The following ZNF326 variants were observed in gnomAD, a reference collection of about 807,000 sequenced individuals.
ZNF326 encodes DBIRD complex subunit ZNF326.
In ZNF326, 30 loss-of-function variants were observed where a neutral mutation model predicts 63.1. The observed-to-expected ratio is 0.48, with a 90% confidence interval of 0.36 to 0.64. ZNF326 has a LOEUF of 0.64. Among genes scored for constraint, ZNF326 ranks in the 30% least tolerant of loss-of-function variants. The pLI, the probability that ZNF326 is intolerant of heterozygous loss-of-function variation, is 0.00. For missense variants in ZNF326, 609 were observed against 720.3 expected (o/e 0.85, Z 1.77); for synonymous variants, 194 against 228.2 (o/e 0.85, Z 1.35).
intron 11 of ZNF326, among the ~76,000 whole-genome samples, chr1:90,026,438 C>G (rs1650020570): frequency 6.6e-6 from 1 of 152,160 alleles, no homozygotes; most frequent in Admixed American, 6.5e-5. Flanking sequence ...ATTCTGAACT[C>G]TCCTCTCTTT....
In ZNF326 at chr1:89,998,855, A is replaced by G. The variant is rs116160026; in HGVS notation, c.61+701A>G. 5.9e-3 allele frequency among the ~76,000 whole-genome samples: 904 copies of G among 152,348 alleles called. 9 individuals are homozygous for G. Among genetic ancestry groups the G allele is most frequent in the African/African-American group, 0.02 (846 of 41,578 alleles). On this transcript the variant is annotated intron_variant, in intron 2 of 11. Coordinates refer to ENST00000340281, the MANE Select transcript of ZNF326 (RefSeq NM_182976.4). ...AATATCATGATTGCCAGAGAAATGT[A>G]AAATCCAACTTTCGTACAGAATAGA...
Position 89,995,147 on chromosome 1 carries a change from C to T in ZNF326, c.-111C>T, listed in dbSNP as rs1043332493. 2.2e-6 allele frequency: 3 copies of T among 1,349,232 alleles called. No individual in the cohort carries two copies. Among genetic ancestry groups the T allele is most frequent in the South Asian group, 1.3e-5 (1 of 76,970 alleles). 83.6% of individuals were successfully genotyped at this position (1,349,232 alleles called of 1,614,324 possible). A position where few individuals can be genotyped will look rare whatever the true frequency, so the allele number is the denominator to read the frequency against. On this transcript the variant is annotated 5_prime_UTR_variant, in exon 1 of 12. Transcript: ENST00000340281. Reference sequence around the variant, plus strand: ...GCCTGCGGCTCCCGGGCTGGTAGCGCGCCGCTCTCGGTCGCGCGGAGTGAT... The same window carrying T: ...GCCTGCGGCTCCCGGGCTGGTAGCGTGCCGCTCTCGGTCGCGCGGAGTGAT...
At chr1:90,016,805 G>A (rs1649524533) in intron 7 of ZNF326, among the ~76,000 whole-genome samples, 2 of 152,246 alleles carry the variant, frequency 1.3e-5, no homozygotes, top group South Asian at 4.1e-4. Context: ...ACAGATGTAT[G>A]CATTTGTCCA....
rs1650436839 is a variant in ZNF326, at chr1:90,035,266, G to A, written c.*7565G>A. On this transcript the variant is annotated 3_prime_UTR_variant, in exon 12 of 12. Transcript: ENST00000340281. ...CCTTATTTTGAGCAGTGTGATTGTAGAGACAAACATCCAAGAGAAACAGTT... is the reference window on the plus strand; with the variant it reads ...CCTTATTTTGAGCAGTGTGATTGTAAAGACAAACATCCAAGAGAAACAGTT... The A allele has an allele frequency of 6.6e-6, 1 of 152,182 alleles. No individual in the cohort carries two copies. Among genetic ancestry groups the A allele is most frequent in the African/African-American group, 2.4e-5 (1 of 41,450 alleles). The allele number at this position is 152,182 out of a possible 1,614,324, so 9.4% of individuals were successfully genotyped here.
chr1:90,027,542 G>A lies in ZNF326; in HGVS notation c.1590G>A (p.Glu530=). ...AGGAAGTGAGAGAAGGAGGAATAGA[G>A]GGCGAGGGAAATATACAGGGAGTAG... ...EVEEVREGGI[E]GEGNIQGVGE... Residue 530 remains glutamate (E), a synonymous_variant, in exon 12 of 12, where the codon GAG becomes GAA. Transcript: ENST00000340281. 1 of 1,609,018 alleles carries A rather than the reference G, an allele frequency of 6.2e-7. No individual in the cohort carries two copies. Among genetic ancestry groups the A allele is most frequent in the Non-Finnish European group, 8.5e-7 (1 of 1,177,200 alleles).
At chr1:90,011,015 T>A (rs1649207942) in intron 6 of ZNF326, among the ~76,000 whole-genome samples, 1 of 152,176 alleles carries the variant, frequency 6.6e-6, no homozygotes, top group African/African-American at 2.4e-5. Context: ...TTATTAGACA[T>A]TACTATAATA....
In ZNF326 at chr1:90,006,455, G is replaced by A. The variant is rs1648993101; in HGVS notation, c.210-890G>A. 10 of 985,186 alleles carry A rather than the reference G, an allele frequency of 1.0e-5. No homozygotes were observed. The South Asian group carries it at 4.7e-4, about 46-fold the overall frequency. The allele number at this position is 985,186 out of a possible 1,614,324, so 61.0% of individuals were successfully genotyped here. A position where few individuals can be genotyped will look rare whatever the true frequency, so the allele number is the denominator to read the frequency against. On this transcript the variant is annotated intron_variant, in intron 4 of 11. Coordinates refer to ENST00000340281, the MANE Select transcript of ZNF326 (RefSeq NM_182976.4). ...TGTTGTAAGATATCAAGCAACTTTT[G>A]TAATCCATGCTTTGGGTTTGTGAGA...
At chr1:89,996,494 A>C (rs1160219379) in intron 1 of ZNF326, among the ~76,000 whole-genome samples, 1 of 152,268 alleles carries the variant, frequency 6.6e-6, no homozygotes, top group African/African-American at 2.4e-5. Context: ...TGAAATAGTA[A>C]GTTCAGCTCT....
intron 2 of ZNF326, among the ~76,000 whole-genome samples, chr1:90,001,592 C>T (rs902121803): frequency 1.0e-4 from 15 of 143,128 alleles, no homozygotes; most frequent in African/African-American, 2.8e-4. Context: ...TCTCTCTTGT[C>T]GCCCAGGCTA....
intron 1 of ZNF326, among the ~76,000 whole-genome samples, chr1:89,995,824 T>C (rs1259394988): frequency 1.3e-5 from 2 of 152,246 alleles, no homozygotes; most frequent in Non-Finnish European, 2.9e-5. Flanking sequence ...CTATGCAAAA[T>C]GGAAAGCAAG....
intron 4 of ZNF326, 110 bp downstream of exon 4, chr1:90,005,354 A>C: frequency 1.4e-6 from 2 of 1,472,482 alleles, no homozygotes; most frequent in Non-Finnish European, 1.8e-6. Flanking sequence ...ACTGTTTGCT[A>C]TTGAATCATC....
At position 90,028,262 on chromosome 1, in the gene ZNF326, G is replaced by A. The variant is rs1049382748; in HGVS notation, c.*561G>A. 2.6e-5 allele frequency: 4 copies of A among 152,454 alleles called. No individual in the cohort carries two copies. Among genetic ancestry groups the A allele is most frequent in the Non-Finnish European group, 5.9e-5 (4 of 68,354 alleles). The allele number at this position is 152,454 out of a possible 1,614,324, so 9.4% of individuals were successfully genotyped here. A position where few individuals can be genotyped will look rare whatever the true frequency, so the allele number is the denominator to read the frequency against. On this transcript the variant is annotated 3_prime_UTR_variant, in exon 12 of 12. Transcript: ENST00000340281. ...GGATTAGCAGTTTAAATGAAACAGA[G>A]TTCATCAATGAAATGAGTATTTAAA...
At position 90,030,039 on chromosome 1, in the gene ZNF326, A is replaced by G. The variant is rs144772388; in HGVS notation, c.*2338A>G. 3.2e-4 allele frequency: 49 copies of G among 152,356 alleles called. No homozygotes were observed. The East Asian group carries it at 8.5e-3, about 26-fold the overall frequency. The allele number at this position is 152,356 out of a possible 1,614,324, so 9.4% of individuals were successfully genotyped here. ...TTTTCTCTATTACAAAGTGAGATACATAGTTCTAAATAACCAAAGAAATTT... is the reference window on the plus strand; with the variant it reads ...TTTTCTCTATTACAAAGTGAGATACGTAGTTCTAAATAACCAAAGAAATTT... On this transcript the variant is annotated 3_prime_UTR_variant, in exon 12 of 12. Transcript: ENST00000340281.
In ZNF326 at chr1:89,995,165, G is replaced by T. The variant is rs1046070938; in HGVS notation, c.-93G>T. On this transcript the variant is annotated 5_prime_UTR_variant, in exon 1 of 12. Coordinates refer to ENST00000340281, the MANE Select transcript of ZNF326 (RefSeq NM_182976.4). ...GGTAGCGCGCCGCTCTCGGTCGCGC[G>T]GAGTGATCGTGTGGAATCGCGGGTC... is the stretch of plus-strand genomic sequence containing the variant. 2.8e-6 allele frequency: 4 copies of T among 1,444,196 alleles called. No homozygotes were observed. The highest frequency in any genetic ancestry group is 3.7e-6 in the Non-Finnish European group (4 of 1,076,450). 89.5% of individuals were successfully genotyped at this position (1,444,196 alleles called of 1,614,324 possible). A position where few individuals can be genotyped will look rare whatever the true frequency, so the allele number is the denominator to read the frequency against.
At chr1:89,995,473 G>C (rs1034734150) in intron 1 of ZNF326, among the ~76,000 whole-genome samples, 200 bp downstream of exon 1, 3 of 152,372 alleles carry the variant, frequency 2.0e-5, no homozygotes, top group Admixed American at 2.0e-4. Flanking sequence ...GGCGCCCGCT[G>C]CCGGCGGAGA....
intron 11 of ZNF326, among the ~76,000 whole-genome samples, chr1:90,026,287 T>C (rs2101097834): frequency 6.6e-6 from 1 of 152,256 alleles, no homozygotes; most frequent in Non-Finnish European, 1.5e-5. Flanking sequence ...CCATGTATAG[T>C]GTAGGCATCT....
At position 89,995,124 on chromosome 1, in the gene ZNF326, C is replaced by T. The variant is rs1163068001; in HGVS notation, c.-134C>T. 11 of 1,134,788 alleles carry T rather than the reference C, an allele frequency of 9.7e-6. No homozygotes were observed. The South Asian group carries it at 1.0e-4, about 11-fold the overall frequency. 70.3% of individuals were successfully genotyped at this position (1,134,788 alleles called of 1,614,324 possible). A position where few individuals can be genotyped will look rare whatever the true frequency, so the allele number is the denominator to read the frequency against. ...CCCGCCTCCCCAGCCTCGCTGTGGC[C>T]TGCGGCTCCCGGGCTGGTAGCGCGC... On this transcript the variant is annotated 5_prime_UTR_variant, in exon 1 of 12. Transcript: ENST00000340281.
At chr1:90,015,328 G>C (rs1478139082) in intron 7 of ZNF326, among the ~76,000 whole-genome samples, 1 of 152,260 alleles carries the variant, frequency 6.6e-6, no homozygotes, top group East Asian at 1.9e-4. Context: ...ATAAATAATA[G>C]TGTATGGTGA....
chr1:90,015,305 G>A (rs1413425208), intron 7 of ZNF326, among the ~76,000 whole-genome samples: 1 of 152,178 alleles, frequency 6.6e-6, no homozygotes, highest in East Asian at 1.9e-4. Flanking sequence ...AGATGGATGT[G>A]TGAGAGATGT....
Sources: gnomAD v4.1 joint callset for allele counts (sites outside exome capture counted in the v4.1 genomes callset) on GRCh38, gnomAD v4.1.1 for gene constraint, MANE v1.5 for transcripts, NCBI Gene and HGNC (gene_info 2026-07-23, HGNC 2026-07-21) for gene names.